Variants in CACNA1B observed in about 807,000 individuals in gnomAD.
CACNA1B encodes calcium voltage-gated channel subunit alpha1 B.
Under a neutral mutation model 247.2 loss-of-function variants are expected in CACNA1B, and 70 were observed. That is an observed-to-expected ratio of 0.28 (90% CI 0.23 to 0.35). The LOEUF is 0.35. CACNA1B is among the 10% of genes least tolerant of loss of function. The pLI is 1.00. For missense variants in CACNA1B, 2,367 were observed against 3,197.4 expected, an observed-to-expected ratio of 0.74 and a Z score of 6.26; for synonymous variants, 1,231 against 1,294.4, an observed-to-expected ratio of 0.95 and a Z score of 1.05.
At chr9:137,960,058 G>A (rs1365427937) in intron 10 of CACNA1B, among the ~76,000 whole-genome samples, 1 of 150,652 alleles carries the variant, frequency 6.6e-6, no homozygotes, top group South Asian at 2.1e-4. Flanking sequence ...ACGCCGGGGC[G>A]GGGGAGAGGG....
rs763315639 is a variant in CACNA1B, at chr9:138,120,281, GCACCAC to G, written c.6158_6163del (p.His2053_His2054del). Reference sequence around the variant, plus strand: ...GCCCACCCCCTAGCCAGGCGTCGTCGCACCACCACCACCACCGCTGCCACCGCCGCA... The same window carrying G: ...GCCCACCCCCTAGCCAGGCGTCGTCGCACCACCACCGCTGCCACCGCCGCA... On this transcript the variant is annotated inframe_deletion, in exon 45 of 47. Coordinates refer to ENST00000371372, the MANE Select transcript of CACNA1B (RefSeq NM_000718.4). The G allele has an allele frequency of 3.5e-5, 55 of 1,580,404 alleles. No individual in the cohort carries two copies. Among genetic ancestry groups the G allele is most frequent in the Non-Finnish European group, 4.1e-5 (48 of 1,165,408 alleles).
Position 138,102,902 on chromosome 9 carries a change from G to C in CACNA1B, c.5319+95G>C, listed in dbSNP as rs1231200004. On this transcript the variant is annotated intron_variant, in intron 38 of 46. Coordinates refer to ENST00000371372, the MANE Select transcript of CACNA1B (RefSeq NM_000718.4). The surrounding 1 kb of genome is among the most constrained non-coding windows in gnomAD (Gnocchi z 5.4). The stretch of plus-strand genomic sequence containing the variant: ...TCCCAGCTCCTCTCCCTTTCAGGGT[G>C]CCCGGCTGTCTGTCTGCCGCTCTGC... The C allele has an allele frequency of 4.1e-6, 3 of 726,918 alleles. No homozygotes were observed. In the African/African-American group the frequency reaches 5.4e-5, roughly 13 times the overall value. The allele number at this position is 726,918 out of a possible 1,614,324, so 45.0% of individuals were successfully genotyped here.
At chr9:138,032,566 G>A (rs948449465) in intron 20 of CACNA1B, 17 of 416,866 alleles carry the variant, frequency 4.1e-5, no homozygotes, top group South Asian at 1.4e-4. Flanking sequence ...GTAGGTCTGC[G>A]GGTGACAAAT....
chr9:137,948,537 TG>T (rs1427327868), intron 6 of CACNA1B, among the ~76,000 whole-genome samples: 3 of 152,212 alleles, frequency 2.0e-5, no homozygotes, highest in African/African-American at 7.2e-5. Flanking sequence ...CCTTTGGTTC[TG>T]TAATCCAAAA....
In CACNA1B at chr9:138,059,835, C is replaced by T. The variant is rs1285381792; in HGVS notation, c.4668+98C>T. 2 of 750,958 alleles carry T rather than the reference C, an allele frequency of 2.7e-6. No homozygotes were observed. 46.5% of individuals were successfully genotyped at this position (750,958 alleles called of 1,614,324 possible). A position where few individuals can be genotyped will look rare whatever the true frequency, so the allele number is the denominator to read the frequency against. ...TCTCCAGGCCCTGTGTTAGCCTCTT[C>T]CTGGGTTCCGCAGAACCCCCTGGAC... On this transcript the variant is annotated intron_variant, in intron 31 of 46. Transcript: ENST00000371372. The surrounding 1 kb of genome is among the most constrained non-coding windows in gnomAD (Gnocchi z 4.2).
chr9:137,908,786 A>G (rs757376572), intron 3 of CACNA1B, among the ~76,000 whole-genome samples: 5 of 150,594 alleles, frequency 3.3e-5, no homozygotes, highest in South Asian at 4.2e-4. Flanking sequence ...ACCTGCCACC[A>G]TGCCTGGCTA....
At chr9:138,053,290 C>T (rs1959360502) in intron 25 of CACNA1B, among the ~76,000 whole-genome samples, 1 of 152,180 alleles carries the variant, frequency 6.6e-6, no homozygotes, top group Non-Finnish European at 1.5e-5. Flanking sequence ...CCTAGGCATC[C>T]AGCTGCTGCC....
At chr9:138,047,132 C>T (rs1265521675) in intron 22 of CACNA1B, 99 bp downstream of exon 22, 10 of 1,142,718 alleles carry the variant, frequency 8.8e-6, no homozygotes, top group Admixed American at 7.5e-5. Flanking sequence ...GAGGTCCTGT[C>T]GTCTCACAGG....
intron 6 of CACNA1B, among the ~76,000 whole-genome samples, chr9:137,926,219 G>C (rs929412225): frequency 6.6e-6 from 1 of 151,930 alleles, no homozygotes; most frequent in African/African-American, 2.4e-5. Context: ...ACAGGCACCT[G>C]CCACAGTGCC....
intron 39 of CACNA1B, 117 bp from the exon 40 acceptor site, chr9:138,112,281 C>T: frequency 1.4e-6 from 1 of 706,844 alleles, no homozygotes; most frequent in Middle Eastern, 2.7e-4. Flanking sequence ...CGTCTGTACC[C>T]CATCTCCGCC....
chr9:137,975,267 T>C (rs934535956), intron 11 of CACNA1B, among the ~76,000 whole-genome samples: 2 of 152,096 alleles, frequency 1.3e-5, no homozygotes, highest in Non-Finnish European at 2.9e-5. Flanking sequence ...TGTGACTTGG[T>C]GACAGTGCAA....
intron 12 of CACNA1B, among the ~76,000 whole-genome samples, chr9:137,980,196 T>G (rs187423475): frequency 7.3e-4 from 111 of 152,370 alleles, no homozygotes; most frequent in African/African-American, 2.6e-3. Flanking sequence ...ATATGTCCTC[T>G]AAGAACTTTA....
chr9:137,935,256 C>G (rs1957652383), intron 6 of CACNA1B, among the ~76,000 whole-genome samples: 1 of 151,968 alleles, frequency 6.6e-6, no homozygotes, highest in Admixed American at 6.6e-5. Context: ...TCCCCCATAC[C>G]CCCCACCCCA....
chr9:137,931,897 A>G (rs1957611964), intron 6 of CACNA1B, among the ~76,000 whole-genome samples: 2 of 152,174 alleles, frequency 1.3e-5, no homozygotes, highest in African/African-American at 4.8e-5. Context: ...GGAAGGAGCC[A>G]TGCACCTCAA....
chr9:138,043,826 G>C lies in CACNA1B; in HGVS notation c.3339G>C (p.Ala1113=), dbSNP rs200894674. 6.2e-7 allele frequency: 1 copy of C among 1,613,950 alleles called. No homozygotes were observed. The highest frequency in any genetic ancestry group is 1.7e-5 in the Admixed American group (1 of 60,026). ...SQAEGKKEVE[A]DDVMRSGPRP... is the part of the protein sequence containing the mutation. ...CAGAGGGGAAGAAGGAGGTGGAAGC[G>C]GATGACGTGATGAGGAGCGGCCCCC... Residue 1113 remains alanine (A), a synonymous_variant, in exon 21 of 47, where the codon GCG becomes GCC. Coordinates refer to ENST00000371372, the MANE Select transcript of CACNA1B (RefSeq NM_000718.4).
Position 138,120,857 on chromosome 9 carries a change from C to A in CACNA1B, c.6465C>A (p.Gly2155=). ...LSSHPTSPTA[G]QEPGPHPQGS... Reference sequence around the variant, plus strand: ...GCCACCCAACGTCGCCAACAGCTGGCCAGGAGCCGGGACCCCACCCACAGG... The same window carrying A: ...GCCACCCAACGTCGCCAACAGCTGGACAGGAGCCGGGACCCCACCCACAGG... The change falls in exon 46 of 47, where the codon GGC becomes GGA. Residue 2155 remains glycine (G), a synonymous_variant. Coordinates refer to ENST00000371372, the MANE Select transcript of CACNA1B (RefSeq NM_000718.4). 1 of 1,572,392 alleles carries A rather than the reference C, an allele frequency of 6.4e-7. No homozygotes were observed. Among genetic ancestry groups the A allele is most frequent in the Non-Finnish European group, 8.6e-7 (1 of 1,159,272 alleles).
chr9:138,092,227 A>C (rs1460107510), intron 36 of CACNA1B, among the ~76,000 whole-genome samples: 1 of 152,150 alleles, frequency 6.6e-6, no homozygotes, highest in Admixed American at 6.6e-5. Flanking sequence ...TGCCAGGCTG[A>C]AGTTTCCTAA....
At chr9:137,958,438 CTT>C (rs1957974013) in intron 10 of CACNA1B, among the ~76,000 whole-genome samples, 1 of 152,178 alleles carries the variant, frequency 6.6e-6, no homozygotes, top group South Asian at 2.1e-4. Context: ...TTCATACAAA[CTT>C]TTCTCACCAG....
At chr9:137,921,713 C>G (rs1392299219) in intron 6 of CACNA1B, among the ~76,000 whole-genome samples, 5 of 149,002 alleles carry the variant, frequency 3.4e-5, no homozygotes, top group Non-Finnish European at 5.9e-5. Flanking sequence ...GCACCACGAC[C>G]GCACAGCATC....
Sources: gnomAD v4.1 joint callset for allele counts (sites outside exome capture counted in the v4.1 genomes callset) on GRCh38, gnomAD v4.1.1 for gene constraint, Gnocchi (gnomAD v3.1) non-coding constraint, MANE v1.5 for transcripts, NCBI Gene and HGNC (gene_info 2026-07-23, HGNC 2026-07-21) for gene names.